Variants in CMIP observed in about 807,000 individuals in gnomAD.
The protein encoded by CMIP is C-Maf-inducing protein.
In CMIP, 13 loss-of-function variants were observed where a neutral mutation model predicts 97.3. The observed-to-expected ratio is 0.13, with a 90% CI of 0.09 to 0.21. The LOEUF (loss-of-function observed/expected upper bound fraction) is 0.21. Among genes scored for constraint, CMIP ranks in the 10% least tolerant of loss-of-function variants. The probability of loss-of-function intolerance (pLI) is 1.00; values close to 1 mark genes in which losing one functional copy is unlikely to be tolerated. For missense variants in CMIP, 847 were observed against 1,024.9 expected (o/e 0.83, Z 2.37); for synonymous variants, 538 against 436.3 (o/e 1.23, Z -2.91).
At chr16:81,533,407 T>G (rs2090279172) in intron 1 of CMIP, among the ~76,000 whole-genome samples, 1 of 152,256 alleles carries the variant, frequency 6.6e-6, no homozygotes, top group Admixed American at 6.5e-5. Context: ...TGGTAGCCAC[T>G]CAGTACATGG....
At chr16:81,531,492 C>T (rs1343274986) in intron 1 of CMIP, among the ~76,000 whole-genome samples, 1 of 152,212 alleles carries the variant, frequency 6.6e-6, no homozygotes, top group African/African-American at 2.4e-5. Flanking sequence ...AGTCTCGATT[C>T]TACGACCCTA....
intron 3 of CMIP, among the ~76,000 whole-genome samples, chr16:81,641,671 G>T (rs777888316): frequency 6.6e-6 from 1 of 152,208 alleles, no homozygotes; most frequent in African/African-American, 2.4e-5. Context: ...GGCCACCACC[G>T]GTGGGCATTT....
At chr16:81,609,641 CT>C (rs2091799047) in intron 2 of CMIP, among the ~76,000 whole-genome samples, 1 of 152,216 alleles carries the variant, frequency 6.6e-6, no homozygotes, top group Non-Finnish European at 1.5e-5. Context: ...CTTATTTGGC[CT>C]GGGGGGCCAA....
At chr16:81,532,250 C>T (rs551785455) in intron 1 of CMIP, among the ~76,000 whole-genome samples, 24 of 152,206 alleles carry the variant, frequency 1.6e-4, no homozygotes, top group Admixed American at 3.3e-4. Context: ...CATTAGATGT[C>T]GAAGTTGAAC....
intron 1 of CMIP, among the ~76,000 whole-genome samples, chr16:81,531,840 G>T (rs756961660): frequency 6.6e-6 from 1 of 152,338 alleles, no homozygotes; most frequent in East Asian, 1.9e-4. Context: ...CATTTCTGTT[G>T]CAAATTACTA....
chr16:81,478,169 C>CGAA (rs1339804617), intron 1 of CMIP, among the ~76,000 whole-genome samples: 3 of 152,148 alleles, frequency 2.0e-5, no homozygotes, highest in African/African-American at 7.2e-5. Flanking sequence ...CTTGGGAAGG[C>CGAA]GAAGGCTGGT....
chr16:81,572,386 T>A (rs552022176), intron 1 of CMIP, among the ~76,000 whole-genome samples: 1 of 152,126 alleles, frequency 6.6e-6, no homozygotes, highest in African/African-American at 2.4e-5. Context: ...TGTGCTGGGG[T>A]AGGGTGGGGG....
At chr16:81,472,033 C>A (rs1285980444) in intron 1 of CMIP, among the ~76,000 whole-genome samples, 1 of 152,204 alleles carries the variant, frequency 6.6e-6, no homozygotes. Flanking sequence ...CACAGATTCA[C>A]GGACATGTAC....
chr16:81,520,602 G>GAGA (rs1555525687), intron 1 of CMIP: 1 of 147,988 alleles, frequency 6.8e-6, no homozygotes, highest in Non-Finnish European at 1.5e-5. Flanking sequence ...GAGAGAGAGA[G>GAGA]AAGATAGAAA....
intron 1 of CMIP, among the ~76,000 whole-genome samples, chr16:81,480,469 G>A (rs530371010): frequency 6.6e-6 from 1 of 152,312 alleles, no homozygotes; most frequent in Non-Finnish European, 1.5e-5. Context: ...GAACCCGAGA[G>A]GCAGAGGCTG....
chr16:81,541,217 A>G (rs890671262), intron 1 of CMIP, among the ~76,000 whole-genome samples: 2 of 151,832 alleles, frequency 1.3e-5, no homozygotes, highest in African/African-American at 4.8e-5. Flanking sequence ...TTTCCTTTAT[A>G]TTTACATTCA....
At chr16:81,477,958 C>G (rs534219130) in intron 1 of CMIP, among the ~76,000 whole-genome samples, 113 of 152,354 alleles carry the variant, frequency 7.4e-4, no homozygotes, top group Non-Finnish European at 3.5e-4. Flanking sequence ...ACTGGCCAGA[C>G]CATCATGTGG....
intron 2 of CMIP, chr16:81,620,661 T>C (rs1485249396): frequency 5.5e-6 from 3 of 550,308 alleles, no homozygotes; most frequent in Non-Finnish European, 9.9e-6. Flanking sequence ...GTGCTAGTGA[T>C]GTCTTGTTTT....
chr16:81,678,830 A>C (rs13330642), intron 10 of CMIP, among the ~76,000 whole-genome samples: 4,604 of 152,340 alleles, frequency 0.03, 220 homozygotes, highest in African/African-American at 0.11. Context: ...TACAGGGTGC[A>C]TATGTACAAG....
chr16:81,701,627 G>C lies in CMIP; in HGVS notation c.1756-33G>C, dbSNP rs185176037. 5.6e-6 allele frequency: 9 copies of C among 1,613,470 alleles called. No homozygotes were observed. The East Asian group carries it at 1.8e-4, about 32-fold the overall frequency. ...GTGTGCTGAGCTAGGGTGGCAGGCC[G>C]GGTCCGTAATGCACCCCTGCGGTTC... On this transcript the variant is annotated intron_variant, in intron 15 of 20. Transcript: ENST00000537098.
At chr16:81,704,124 C>T (rs1016459170) in intron 18 of CMIP, 39 bp downstream of exon 18, 2 of 1,572,924 alleles carry the variant, frequency 1.3e-6, no homozygotes, top group Non-Finnish European at 8.6e-7. Context: ...CCACACCCTC[C>T]TCCTTCACCT....
At chr16:81,654,346 A>C (rs576670230) in intron 4 of CMIP, among the ~76,000 whole-genome samples, 1 of 152,190 alleles carries the variant, frequency 6.6e-6, no homozygotes, top group African/African-American at 2.4e-5. Context: ...TGCTGGGATT[A>C]TAGGCATGAG....
intron 2 of CMIP, among the ~76,000 whole-genome samples, chr16:81,618,244 C>T (rs1343753745): frequency 3.9e-5 from 6 of 152,220 alleles, no homozygotes; most frequent in African/African-American, 1.4e-4. Context: ...CTTCTGGAGG[C>T]TCTCGGGGAG....
intron 1 of CMIP, among the ~76,000 whole-genome samples, chr16:81,487,696 CTG>C (rs1030724205): frequency 9.2e-5 from 14 of 152,232 alleles, no homozygotes; most frequent in Non-Finnish European, 1.9e-4. Context: ...TATGTGCAAA[CTG>C]TGGCTTCCTT....
Sources: gnomAD v4.1 joint callset for allele counts (sites outside exome capture counted in the v4.1 genomes callset) on GRCh38, gnomAD v4.1.1 for gene constraint, MANE v1.5 for transcripts, NCBI Gene and HGNC (gene_info 2026-07-23, HGNC 2026-07-21) for gene names.